The following TTC28 variants were observed in gnomAD, a reference collection of about 807,000 sequenced individuals.
TTC28 encodes tetratricopeptide repeat protein 28.
Under a neutral mutation model 198.0 loss-of-function variants are expected in TTC28, and 61 were observed. That is an observed-to-expected ratio of 0.31 (90% CI 0.25 to 0.38). TTC28 has a LOEUF of 0.38. Among genes scored for constraint, TTC28 ranks in the 10% least tolerant of loss-of-function variants. TTC28 has a pLI of 1.00. For missense variants in TTC28, 2,678 were observed against 3,164.0 expected (o/e 0.85, Z 3.69); for synonymous variants, 1,171 against 1,297.8 (o/e 0.90, Z 2.10).
chr22:28,015,419 TAA>T (rs138678), intron 13 of TTC28, among the ~76,000 whole-genome samples: 18 of 109,672 alleles, frequency 1.6e-4, no homozygotes, highest in South Asian at 6.0e-4. Context: ...GAGATAGCTT[TAA>T]AAAAAAAAAA....
At chr22:28,080,094 A>G (rs149952152) in intron 12 of TTC28, among the ~76,000 whole-genome samples, 168 of 152,250 alleles carry the variant, frequency 1.1e-3, no homozygotes, top group Non-Finnish European at 1.5e-3. Flanking sequence ...AAATCTGTTT[A>G]TCCATAGATG....
chr22:28,077,589 T>C (rs1941209841), intron 12 of TTC28, among the ~76,000 whole-genome samples: 2 of 152,236 alleles, frequency 1.3e-5, no homozygotes, highest in Admixed American at 1.3e-4. Context: ...GACTTGTTAA[T>C]ATTTGCCGCT....
At chr22:28,492,963 A>T (rs1044401049) in intron 2 of TTC28, among the ~76,000 whole-genome samples, 1 of 151,492 alleles carries the variant, frequency 6.6e-6, no homozygotes, top group Non-Finnish European at 1.5e-5. Context: ...CAGCTTAAAG[A>T]GGCTTAATGG....
chr22:28,496,199 C>T (rs1180775930), intron 2 of TTC28, among the ~76,000 whole-genome samples: 1 of 152,092 alleles, frequency 6.6e-6, no homozygotes, highest in Admixed American at 6.6e-5. Context: ...GGCCCCTTTA[C>T]CATTTATACT....
At chr22:28,660,787 G>C (rs1042233238) in intron 1 of TTC28, among the ~76,000 whole-genome samples, 1 of 149,168 alleles carries the variant, frequency 6.7e-6, no homozygotes, top group Non-Finnish European at 1.5e-5. Context: ...GCTTCCCAAA[G>C]TGCTGGGATT....
intron 2 of TTC28, among the ~76,000 whole-genome samples, chr22:28,328,455 T>C (rs1209130777): frequency 1.3e-5 from 2 of 151,360 alleles, no homozygotes; most frequent in South Asian, 2.1e-4. Flanking sequence ...AAAAAATATA[T>C]AAAAATAAAT....
intron 2 of TTC28, among the ~76,000 whole-genome samples, chr22:28,356,548 T>C (rs973470138): frequency 4.6e-5 from 7 of 152,246 alleles, no homozygotes; most frequent in African/African-American, 1.7e-4. Context: ...TTAAAAAATA[T>C]TTGCAACTTA....
At chr22:28,028,039 G>A (rs1208877431) in intron 13 of TTC28, among the ~76,000 whole-genome samples, 1 of 152,256 alleles carries the variant, frequency 6.6e-6, no homozygotes, top group Non-Finnish European at 1.5e-5. Flanking sequence ...TGTGAGAGAG[G>A]CGCCAGAGAA....
chr22:28,228,466 G>A lies in TTC28; in HGVS notation c.934-64867C>T, dbSNP rs138471123. On this transcript the variant is annotated intron_variant, in intron 5 of 22. Transcript: ENST00000397906. Reference sequence around the variant, plus strand: ...TGTAATCCCAGCACTTTGGAAGACCGAGGCAGGGGGATTACCTGAGGTCAG... The same window carrying A: ...TGTAATCCCAGCACTTTGGAAGACCAAGGCAGGGGGATTACCTGAGGTCAG... 1.3e-4 allele frequency among the ~76,000 whole-genome samples: 20 copies of A among 152,210 alleles called. No individual in the cohort carries two copies. The East Asian group carries it at 3.7e-3, about 28-fold the overall frequency.
At chr22:28,070,898 G>A (rs1426469189) in intron 12 of TTC28, among the ~76,000 whole-genome samples, 1 of 152,036 alleles carries the variant, frequency 6.6e-6, no homozygotes, top group East Asian at 1.9e-4. Flanking sequence ...ATATTCTTTC[G>A]AGAGCACAGT....
At chr22:28,007,120 T>A (rs190390456) in intron 14 of TTC28, 3 of 152,254 alleles carry the variant, frequency 2.0e-5, no homozygotes, top group Admixed American at 2.0e-4. Flanking sequence ...ACAATAAGGA[T>A]TCCAGAGGCA....
chr22:28,265,742 C>T (rs1696216342), intron 5 of TTC28, among the ~76,000 whole-genome samples: 1 of 152,060 alleles, frequency 6.6e-6, no homozygotes, highest in African/African-American at 2.4e-5. Context: ...GACATATATT[C>T]AGAAAAACTA....
intron 2 of TTC28, among the ~76,000 whole-genome samples, chr22:28,436,347 C>T (rs1302286874): frequency 6.6e-6 from 1 of 152,174 alleles, no homozygotes; most frequent in Non-Finnish European, 1.5e-5. Context: ...GCCCTCAAAA[C>T]TTTAAACTGA....
At chr22:28,585,034 T>C (rs2050293256) in intron 2 of TTC28, among the ~76,000 whole-genome samples, 1 of 152,074 alleles carries the variant, frequency 6.6e-6, no homozygotes, top group African/African-American at 2.4e-5. Flanking sequence ...GGGGAAACTA[T>C]CCTGTGAGAG....
chr22:28,393,530 C>T (rs1013816903), intron 2 of TTC28, among the ~76,000 whole-genome samples: 10 of 151,656 alleles, frequency 6.6e-5, no homozygotes, highest in Admixed American at 1.3e-4. Context: ...CATCTCCACA[C>T]AAAAAAATAA....
Position 28,329,701 on chromosome 22 carries a change from T to A in TTC28, c.382-23058A>T, listed in dbSNP as rs1461051984. ...CTGTTTTTGTTTTTTTAGGTAGTTA[T>A]TTATGTGACTGTCCTCCTAACCAAA... On this transcript the variant is annotated intron_variant, in intron 2 of 22. Coordinates refer to ENST00000397906, the MANE Select transcript of TTC28 (RefSeq NM_001145418.2). Among the ~76,000 whole-genome samples the A allele has an allele frequency of 2.6e-5, 4 of 152,140 alleles. No homozygotes were observed. In the East Asian group the frequency reaches 7.7e-4, roughly 29 times the overall value.
At chr22:28,307,030 TAAATG>T (rs2045160511) in intron 2 of TTC28, among the ~76,000 whole-genome samples, 1 of 152,142 alleles carries the variant, frequency 6.6e-6, no homozygotes, top group South Asian at 2.1e-4. Flanking sequence ...AGTGCAAAAA[TAAATG>T]AGATGAATTC....
intron 2 of TTC28, among the ~76,000 whole-genome samples, chr22:28,332,471 C>A (rs1376094844): frequency 6.6e-6 from 1 of 151,928 alleles, no homozygotes; most frequent in African/African-American, 2.4e-5. Flanking sequence ...TGTCCTACAG[C>A]AACCATGTTG....
intron 13 of TTC28, among the ~76,000 whole-genome samples, chr22:28,021,061 A>G (rs953049561): frequency 6.6e-6 from 1 of 152,218 alleles, no homozygotes; most frequent in African/African-American, 2.4e-5. Context: ...CGTGAAGAAC[A>G]CAGCACTGCC....
Sources: gnomAD v4.1 joint callset for allele counts (sites outside exome capture counted in the v4.1 genomes callset) on GRCh38, gnomAD v4.1.1 for gene constraint, MANE v1.5 for transcripts, NCBI Gene and HGNC (gene_info 2026-07-23, HGNC 2026-07-21) for gene names.